The following PLCB4 variants were observed in gnomAD, a reference collection of about 807,000 sequenced individuals.
PLCB4 encodes the protein 1-phosphatidylinositol 4,5-bisphosphate phosphodiesterase beta-4.
PLCB4 carries 77 observed loss-of-function variants against 178.8 expected under a neutral mutation model. The ratio of observed to expected loss-of-function variants is 0.43; its 90% confidence interval spans 0.36 to 0.52. PLCB4 has a LOEUF of 0.52. PLCB4 is among the 20% of genes least tolerant of loss of function. PLCB4 has a pLI of 0.00. For synonymous variants in PLCB4, 496 were observed against 490.8 expected, an observed-to-expected ratio of 1.01 and a Z score of -0.14; for missense variants, 1,024 against 1,453.4, an observed-to-expected ratio of 0.70 and a Z score of 4.80.
intron 20 of PLCB4, among the ~76,000 whole-genome samples, chr20:9,404,954 C>T (rs1463790266): frequency 6.6e-6 from 1 of 152,156 alleles, no homozygotes; most frequent in Non-Finnish European, 1.5e-5. Context: ...TGGGGGGCTG[C>T]ACCAGCAAAC....
chr20:9,095,435 C>T (rs1242786717), intron 1 of PLCB4, among the ~76,000 whole-genome samples: 1 of 152,156 alleles, frequency 6.6e-6, no homozygotes, highest in Non-Finnish European at 1.5e-5. Context: ...ATATCATGGT[C>T]AGAGACAGAA....
chr20:9,326,706 C>T (rs1025831085), intron 4 of PLCB4, among the ~76,000 whole-genome samples: 13 of 152,086 alleles, frequency 8.5e-5, no homozygotes, highest in Admixed American at 8.5e-4. Context: ...GTGGCAGCAG[C>T]TTCTTGGCCT....
intron 27 of PLCB4, among the ~76,000 whole-genome samples, chr20:9,423,270 T>A (rs1246239344): frequency 2.0e-5 from 3 of 152,226 alleles, no homozygotes; most frequent in Admixed American, 1.3e-4. Flanking sequence ...TCAGAGATAC[T>A]TAATTTATTT....
At chr20:9,142,280 G>A (rs2092508468) in intron 2 of PLCB4, among the ~76,000 whole-genome samples, 1 of 152,066 alleles carries the variant, frequency 6.6e-6, no homozygotes, top group Non-Finnish European at 1.5e-5. Context: ...TGGATTCATA[G>A]TGAGGAATAC....
intron 25 of PLCB4, among the ~76,000 whole-genome samples, chr20:9,413,972 G>A (rs551772228): frequency 1.1e-4 from 17 of 152,234 alleles, no homozygotes; most frequent in African/African-American, 3.4e-4. Flanking sequence ...GACTGGTCTC[G>A]AACTCTTGAG....
intron 1 of PLCB4, among the ~76,000 whole-genome samples, chr20:9,072,713 G>A (rs889171864): frequency 3.3e-5 from 5 of 152,144 alleles, no homozygotes; most frequent in Non-Finnish European, 5.9e-5. Context: ...GACTTTGGAT[G>A]CTTTTTTATG....
At chr20:9,395,661 A>G (rs375919569) in intron 19 of PLCB4, 43 bp downstream of exon 19, 9 of 1,404,904 alleles carry the variant, frequency 6.4e-6, no homozygotes, top group Admixed American at 1.7e-5. Context: ...CTTTGAAAAT[A>G]CTTTTTAAAT....
chr20:9,195,751 C>T (rs891820796), intron 2 of PLCB4, among the ~76,000 whole-genome samples: 3 of 152,094 alleles, frequency 2.0e-5, no homozygotes, highest in African/African-American at 4.8e-5. Context: ...GACTTCTTGG[C>T]CTCCCTAACT....
chr20:9,185,572 A>G (rs1019605173), intron 2 of PLCB4, among the ~76,000 whole-genome samples: 3 of 152,008 alleles, frequency 2.0e-5, no homozygotes, highest in African/African-American at 7.2e-5. Flanking sequence ...CCTGTTCTGC[A>G]CTCAGCACCG....
intron 14 of PLCB4, among the ~76,000 whole-genome samples, chr20:9,386,416 A>T (rs2037666725): frequency 6.6e-6 from 1 of 152,364 alleles, no homozygotes; most frequent in South Asian, 2.1e-4. Flanking sequence ...AAATGATGAA[A>T]GTGAAAAATA....
chr20:9,298,460 G>A (rs1344955306), intron 3 of PLCB4, among the ~76,000 whole-genome samples: 1 of 152,000 alleles, frequency 6.6e-6, no homozygotes, highest in Non-Finnish European at 1.5e-5. Context: ...TATATTGACA[G>A]TTATTCATTA....
intron 7 of PLCB4, among the ~76,000 whole-genome samples, chr20:9,358,240 C>CT (rs2148206728): frequency 6.6e-6 from 1 of 152,340 alleles, no homozygotes; most frequent in East Asian, 1.9e-4. Context: ...CCTGATGCTG[C>CT]TGGTCCCCAG....
intron 2 of PLCB4, among the ~76,000 whole-genome samples, chr20:9,172,424 TCAAATC>T (rs753948995): frequency 1.7e-4 from 26 of 152,314 alleles, no homozygotes; most frequent in Non-Finnish European, 2.8e-4. Flanking sequence ...CTGCTATAAG[TCAAATC>T]CCTGTCCATC....
At chr20:9,178,514 A>G (rs943821035) in intron 2 of PLCB4, among the ~76,000 whole-genome samples, 2 of 151,898 alleles carry the variant, frequency 1.3e-5, no homozygotes, top group African/African-American at 4.8e-5. Flanking sequence ...GCATTAAGTA[A>G]TATTCATAGA....
At chr20:9,421,894 AAG>A (rs1448698401) in intron 27 of PLCB4, among the ~76,000 whole-genome samples, 1 of 152,174 alleles carries the variant, frequency 6.6e-6, no homozygotes, top group Non-Finnish European at 1.5e-5. Flanking sequence ...TCTCTCCTGA[AAG>A]AGTGACACCT....
At chr20:9,343,717 C>G (rs1300530440) in intron 7 of PLCB4, among the ~76,000 whole-genome samples, 2 of 152,108 alleles carry the variant, frequency 1.3e-5, no homozygotes, top group Non-Finnish European at 2.9e-5. Context: ...CCGGTAAGTC[C>G]CAAATCAAAG....
intron 22 of PLCB4, 82 bp from the exon 23 acceptor site, chr20:9,408,551 G>A: frequency 3.0e-6 from 2 of 669,514 alleles, no homozygotes; most frequent in South Asian, 1.7e-5. Context: ...GATTCAGGGT[G>A]TAATTGCATT....
intron 2 of PLCB4, among the ~76,000 whole-genome samples, chr20:9,165,146 C>T (rs1289071733): frequency 6.6e-6 from 1 of 152,108 alleles, no homozygotes; most frequent in Admixed American, 6.5e-5. Context: ...AGGCACGTGC[C>T]CGCTATAGCA....
intron 11 of PLCB4, 40 bp downstream of exon 11, chr20:9,372,443 C>A: frequency 1.0e-6 from 1 of 1,002,134 alleles, no homozygotes; most frequent in South Asian, 1.4e-5. Flanking sequence ...TAAATATTAT[C>A]ACTGTCCTTT....
Sources: allele counts gnomAD v4.1 joint callset (sites outside exome capture counted in the v4.1 genomes callset), GRCh38; gene constraint gnomAD v4.1.1; transcripts MANE v1.5; gene names NCBI Gene and HGNC (gene_info 2026-07-23, HGNC 2026-07-21).